Variants in TAX1BP1 observed in about 807,000 individuals in gnomAD.
The protein encoded by TAX1BP1 is Tax1 binding protein 1.
Under a neutral mutation model 97.7 loss-of-function variants are expected in TAX1BP1, and 62 were observed. The ratio of observed to expected loss-of-function variants is 0.63; its 90% CI spans 0.52 to 0.78. TAX1BP1 has a LOEUF of 0.78. Among genes scored for constraint, TAX1BP1 ranks in the 30% least tolerant of loss-of-function variants. TAX1BP1 has a pLI of 0.00. For synonymous variants in TAX1BP1, 340 were observed against 304.2 expected (o/e 1.12, Z -1.23); for missense variants, 867 against 916.1 (o/e 0.95, Z 0.69).
intron 5 of TAX1BP1, among the ~76,000 whole-genome samples, chr7:27,774,296 G>C (rs1236705429): frequency 2.6e-5 from 4 of 152,104 alleles, no homozygotes; most frequent in Non-Finnish European, 5.9e-5. Context: ...CTTGTCATCA[G>C]ATAGAGTTTT....
In TAX1BP1 at chr7:27,794,341, T is replaced by G. The variant is rs1345580678; in HGVS notation, c.1429T>G (p.Phe477Val). ...TGAATAGGCTAATAATAATAATGTC[T>G]TCACAAAGAAAACGGGGAATCAGCA... ...SDQSANNNNVFTKKTGNQQKV... is the reference protein window; with the variant it reads ...SDQSANNNNVVTKKTGNQQKV... Residue 477 changes from phenylalanine (F) to valine (V), a missense_variant, in exon 11 of 17, where the codon TTC (phenylalanine) becomes GTC (valine). By Grantham distance (50) the Phe-to-Val change is conservative. Around this residue, in one of 3 missense-constraint regions of TAX1BP1, gnomAD observed 822 missense variants for 851.4 expected, o/e 0.97. Transcript: ENST00000396319. The G allele has an allele frequency of 6.2e-7, 1 of 1,612,334 alleles. No individual in the cohort carries two copies. The highest frequency in any genetic ancestry group is 1.1e-5 in the South Asian group (1 of 90,726).
chr7:27,826,515 C>CCTTT (rs150725663), intron 15 of TAX1BP1, among the ~76,000 whole-genome samples: 9,318 of 152,210 alleles, frequency 0.061, 405 homozygotes, highest in Non-Finnish European at 0.092. Flanking sequence ...TACCCAGTAA[C>CCTTT]ATAAAGGCTT....
At chr7:27,819,263 TA>T (rs914200119) in intron 15 of TAX1BP1, among the ~76,000 whole-genome samples, 14 of 146,224 alleles carry the variant, frequency 9.6e-5, no homozygotes, top group African/African-American at 1.5e-4. Context: ...TAGTGACCAT[TA>T]AAAAAAAAAG....
intron 15 of TAX1BP1, 68 bp downstream of exon 15, chr7:27,817,106 G>T: frequency 6.4e-7 from 1 of 1,554,824 alleles, no homozygotes; most frequent in Non-Finnish European, 8.7e-7. Flanking sequence ...AGAGTTAAGG[G>T]TATGTGTGCA....
chr7:27,786,354 C>T (rs1789481947), intron 7 of TAX1BP1, among the ~76,000 whole-genome samples: 1 of 152,044 alleles, frequency 6.6e-6, no homozygotes, highest in Admixed American at 6.6e-5. Flanking sequence ...AGGATGGTCT[C>T]GATCTCCTGA....
intron 5 of TAX1BP1, among the ~76,000 whole-genome samples, chr7:27,782,580 G>T (rs1789304620): frequency 6.6e-6 from 1 of 152,088 alleles, no homozygotes; most frequent in African/African-American, 2.4e-5. Flanking sequence ...TGGATTTGTA[G>T]AAACCAGAGA....
Position 27,758,111 on chromosome 7 carries a change from C to CAAT in TAX1BP1, c.244_246dup (p.Asn82dup), listed in dbSNP as rs1562702111. On this transcript the variant is annotated inframe_insertion, in exon 3 of 17. Transcript: ENST00000396319. The stretch of plus-strand genomic sequence containing the variant: ...AACATTATGTGGAAGGATCAACAGT[C>CAAT]AATTGTGTACTAGCATTCCAAGGTA... 6.2e-7 allele frequency: 1 copy of CAAT among 1,611,002 alleles called. No individual in the cohort carries two copies. The highest frequency in any genetic ancestry group is 8.5e-7 in the Non-Finnish European group (1 of 1,178,660).
At chr7:27,758,337 G>T in intron 3 of TAX1BP1, 1 of 344,736 alleles carries the variant, frequency 2.9e-6, no homozygotes, top group Non-Finnish European at 5.2e-6. Context: ...AAAAGTTATT[G>T]GTTGTTGTCT....
intron 13 of TAX1BP1, among the ~76,000 whole-genome samples, chr7:27,808,304 A>G (rs1773359988): frequency 6.6e-6 from 1 of 152,212 alleles, no homozygotes; most frequent in African/African-American, 2.4e-5. Context: ...TACAGCATAA[A>G]TTCTAGTCTT....
At chr7:27,793,399 C>T (rs1290819283) in intron 10 of TAX1BP1, among the ~76,000 whole-genome samples, 187 bp downstream of exon 10, 1 of 152,044 alleles carries the variant, frequency 6.6e-6, no homozygotes, top group Non-Finnish European at 1.5e-5. Flanking sequence ...ACTGGACAGC[C>T]AACAAAGGAA....
chr7:27,759,241 ATTT>A (rs924888746), intron 3 of TAX1BP1, among the ~76,000 whole-genome samples: 2 of 152,170 alleles, frequency 1.3e-5, no homozygotes, highest in African/African-American at 4.8e-5. Context: ...ACAGTAACAA[ATTT>A]TTGATATATT....
chr7:27,815,445 G>A (rs1562741833), intron 13 of TAX1BP1, among the ~76,000 whole-genome samples: 1 of 152,094 alleles, frequency 6.6e-6, no homozygotes, highest in South Asian at 2.1e-4. Flanking sequence ...ATTTTTGGAT[G>A]TTGAACTGCA....
At position 27,828,877 on chromosome 7, in the gene TAX1BP1, A is replaced by C. The variant is rs1006824834; in HGVS notation, c.*48A>C. 9 of 1,493,472 alleles carry C rather than the reference A, an allele frequency of 6.0e-6. No individual in the cohort carries two copies. The highest frequency in any genetic ancestry group is 1.8e-4 in the Middle Eastern group (1 of 5,624). The allele number at this position is 1,493,472 out of a possible 1,614,324, so 92.5% of individuals were successfully genotyped here. A position where few individuals can be genotyped will look rare whatever the true frequency, so the allele number is the denominator to read the frequency against. ...ATAGTTTAGCAGTAAAAAAAAAAAA[A>C]AAAACCACACCTAAAATAGACCACT... On this transcript the variant is annotated 3_prime_UTR_variant, in exon 17 of 17. Coordinates refer to ENST00000396319, the MANE Select transcript of TAX1BP1 (RefSeq NM_006024.7).
At chr7:27,800,248 T>A (rs1790081630) in intron 13 of TAX1BP1, among the ~76,000 whole-genome samples, 158 bp downstream of exon 13, 1 of 152,208 alleles carries the variant, frequency 6.6e-6, no homozygotes, top group African/African-American at 2.4e-5. Context: ...ATAAATACTG[T>A]TCATTAACTT....
chr7:27,823,744 T>C (rs1791067969), intron 15 of TAX1BP1, among the ~76,000 whole-genome samples: 1 of 152,196 alleles, frequency 6.6e-6, no homozygotes, highest in African/African-American at 2.4e-5. Flanking sequence ...CTTGTAAAAC[T>C]GAACTCCTTA....
chr7:27,780,663 C>T lies in TAX1BP1; in HGVS notation c.613-4500C>T, dbSNP rs542919070. On this transcript the variant is annotated intron_variant, in intron 5 of 16. Coordinates refer to ENST00000396319, the MANE Select transcript of TAX1BP1 (RefSeq NM_006024.7). ...TGAATTTGTTTTTGTTTGTTTTTGCCAATTGTCATCAAGAAAAGATACAAA... is the reference window on the plus strand; with the variant it reads ...TGAATTTGTTTTTGTTTGTTTTTGCTAATTGTCATCAAGAAAAGATACAAA... 3.1e-4 allele frequency among the ~76,000 whole-genome samples: 47 copies of T among 152,040 alleles called. No individual in the cohort carries two copies. The South Asian group carries it at 4.8e-3, about 15-fold the overall frequency.
intron 5 of TAX1BP1, among the ~76,000 whole-genome samples, chr7:27,782,874 T>C (rs2128315367): frequency 6.6e-6 from 1 of 152,358 alleles, no homozygotes; most frequent in African/African-American, 2.4e-5. Context: ...TATGCTTTTG[T>C]TTATAATCAG....
At position 27,801,200 on chromosome 7, in the gene TAX1BP1, T is replaced by A. The variant is rs73295595; in HGVS notation, c.1764+1110T>A. The stretch of plus-strand genomic sequence containing the variant: ...TGTATTTCTTCTAAGGAATAAAGTA[T>A]AATTTAATATATTTTAAGAAATGTA... On this transcript the variant is annotated intron_variant, in intron 13 of 16. Coordinates refer to ENST00000396319, the MANE Select transcript of TAX1BP1 (RefSeq NM_006024.7). Among the ~76,000 whole-genome samples the A allele has an allele frequency of 6.4e-3, 946 of 148,888 alleles. 13 individuals are homozygous for A. The highest frequency in any genetic ancestry group is 0.022 in the African/African-American group (909 of 40,468).
chr7:27,823,596 A>G (rs1169308211), intron 15 of TAX1BP1, among the ~76,000 whole-genome samples: 2 of 152,202 alleles, frequency 1.3e-5, no homozygotes, highest in African/African-American at 4.8e-5. Flanking sequence ...ATGTATTGCC[A>G]TAACTTGATC....
Sources: allele counts gnomAD v4.1 joint callset (sites outside exome capture counted in the v4.1 genomes callset), GRCh38; gene constraint gnomAD v4.1.1; regional missense constraint gnomAD v4.1.1; transcripts MANE v1.5; gene names NCBI Gene and HGNC (gene_info 2026-07-23, HGNC 2026-07-21).